The following CABIN1 variants were observed in gnomAD, a reference collection of about 807,000 sequenced individuals.
The protein encoded by CABIN1 is calcineurin binding protein 1.
CABIN1 carries 133 observed loss-of-function variants against 227.7 expected under a neutral mutation model. That is an observed-to-expected ratio of 0.58 (90% CI 0.51 to 0.67). CABIN1 has a LOEUF of 0.67. CABIN1 is among the 30% of genes least tolerant of loss of function. The probability of loss-of-function intolerance (pLI) is 0.00; values close to 1 mark genes in which losing one functional copy is unlikely to be tolerated. For missense variants in CABIN1, 2,408 were observed against 2,852.5 expected (o/e 0.84, Z 3.55); for synonymous variants, 1,086 against 1,155.1 (o/e 0.94, Z 1.21).
chr22:24,156,253 G>A (rs1274289474), intron 29 of CABIN1, among the ~76,000 whole-genome samples: 1 of 152,100 alleles, frequency 6.6e-6, no homozygotes, highest in African/African-American at 2.4e-5. Flanking sequence ...ACCAGGCGCA[G>A]CAGGAAGCCC....
chr22:24,129,094 A>AG (rs532573118), intron 28 of CABIN1, among the ~76,000 whole-genome samples: 2 of 152,184 alleles, frequency 1.3e-5, no homozygotes, highest in Non-Finnish European at 2.9e-5. Context: ...GGTCTGCCTT[A>AG]CGGCTTTGCA....
Position 24,015,750 on chromosome 22 carries a change from G to A in CABIN1, c.-75+4383G>A, listed in dbSNP as rs185723515. Among the ~76,000 whole-genome samples the A allele has an allele frequency of 1.5e-4, 23 of 152,164 alleles. No individual in the cohort carries two copies. In the East Asian group the frequency reaches 4.3e-3, roughly 28 times the overall value. On this transcript the variant is annotated intron_variant, in intron 1 of 36. Coordinates refer to ENST00000263119, the MANE Select transcript of CABIN1 (RefSeq NM_012295.4). ...GTGGGCAGATCATTTGAGGTCTGGA[G>A]TTTGAGGCCAGCCTGACCAACATGG...
chr22:24,171,285 C>T (rs542257011), intron 33 of CABIN1, among the ~76,000 whole-genome samples: 1 of 152,324 alleles, frequency 6.6e-6, no homozygotes, highest in African/African-American at 2.4e-5. Flanking sequence ...AGGACTCTCC[C>T]ATGAGTGGCC....
At chr22:24,019,117 G>T (rs1208283135) in intron 1 of CABIN1, among the ~76,000 whole-genome samples, 27 of 97,944 alleles carry the variant, frequency 2.8e-4, no homozygotes, top group African/African-American at 1.1e-3. Context: ...TTCACTGAGT[G>T]TTGTTTTTTT....
Position 24,067,073 on chromosome 22 carries a change from T to C in CABIN1, c.2124T>C (p.Val708=). The C allele has an allele frequency of 1.9e-6, 3 of 1,614,200 alleles. No individual in the cohort carries two copies. The highest frequency in any genetic ancestry group is 2.5e-6 in the Non-Finnish European group (3 of 1,180,040). The change falls in exon 16 of 37, where the codon GTT becomes GTC. Residue 708 remains valine (V), a synonymous_variant. Coordinates refer to ENST00000263119, the MANE Select transcript of CABIN1 (RefSeq NM_012295.4). ...ATGAAGCAGGCGACTACAAGGCTGT[T>C]GTGCATCTGCTCCGCCCCACTTTGT... ...RLYEAGDYKA[V]VHLLRPTLCT... is the part of the protein sequence containing the mutation.
chr22:24,080,897 C>T (rs932425007), intron 19 of CABIN1, among the ~76,000 whole-genome samples: 2 of 152,054 alleles, frequency 1.3e-5, no homozygotes, highest in African/African-American at 2.4e-5. Context: ...CCTTCCTTTT[C>T]AATCCTTATA....
Position 24,178,375 on chromosome 22 carries a change from AC to A in CABIN1, c.*181del. On this transcript the variant is annotated 3_prime_UTR_variant, in exon 37 of 37. Coordinates refer to ENST00000263119, the MANE Select transcript of CABIN1 (RefSeq NM_012295.4). ...CCTGTACCCAGGTCAGGCTGTCCAC[AC>A]CACATGGGAGCCCAGAGGAGGAGGG... The A allele has an allele frequency of 1.4e-6, 1 of 726,630 alleles. No homozygotes were observed. The allele number at this position is 726,630 out of a possible 1,614,324, so 45.0% of individuals were successfully genotyped here.
chr22:24,168,762 T>A (rs1049901933), intron 33 of CABIN1, among the ~76,000 whole-genome samples: 4 of 152,162 alleles, frequency 2.6e-5, no homozygotes, highest in African/African-American at 4.8e-5. Context: ...CCACCTTTTC[T>A]GTAACAAGGA....
intron 26 of CABIN1, among the ~76,000 whole-genome samples, chr22:24,110,867 T>G (rs540604146): frequency 4.1e-5 from 1 of 24,522 alleles, no homozygotes; most frequent in South Asian, 2.4e-3. Context: ...CACCTAGGTG[T>G]GATTTTTTTT....
At position 24,168,558 on chromosome 22, in the gene CABIN1, G is replaced by A. The variant is rs375512881; in HGVS notation, c.5757+37G>A. The A allele has an allele frequency of 1.6e-4, 242 of 1,482,832 alleles. 1 individual carries two copies. In the Middle Eastern group the frequency reaches 2.2e-3, roughly 14 times the overall value. 91.9% of individuals were successfully genotyped at this position (1,482,832 alleles called of 1,614,324 possible). A position where few individuals can be genotyped will look rare whatever the true frequency, so the allele number is the denominator to read the frequency against. On this transcript the variant is annotated intron_variant, in intron 33 of 36. Transcript: ENST00000263119. ...TTAGCCTGTGCCAGCCTCATCTTGC[G>A]GAGCCTGCTCCATATCAAGGCCCTA...
chr22:24,046,946 C>A (rs1226362447), intron 6 of CABIN1, among the ~76,000 whole-genome samples: 2 of 152,190 alleles, frequency 1.3e-5, no homozygotes, highest in African/African-American at 2.4e-5. Flanking sequence ...CAGAAAAATT[C>A]TCTTATGCGG....
Position 24,119,702 on chromosome 22 carries a change from A to C in CABIN1, c.4632+4A>C. 1 of 1,613,572 alleles carries C rather than the reference A, an allele frequency of 6.2e-7. No homozygotes were observed. The highest frequency in any genetic ancestry group is 8.5e-7 in the Non-Finnish European group (1 of 1,179,774). On this transcript the variant is annotated splice_donor_region_variant and intron_variant, in intron 28 of 36. Transcript: ENST00000263119. Reference sequence around the variant, plus strand: ...CACCTACAGCAAGACCCACCGGGTGAGTGGCTGCCGGGCCAAGGGGGCTTG... The same window carrying C: ...CACCTACAGCAAGACCCACCGGGTGCGTGGCTGCCGGGCCAAGGGGGCTTG...
intron 23 of CABIN1, among the ~76,000 whole-genome samples, 158 bp from the exon 24 acceptor site, chr22:24,091,425 G>C (rs2041533899): frequency 6.6e-6 from 1 of 152,200 alleles, no homozygotes; most frequent in African/African-American, 2.4e-5. Context: ...CTACACTTCG[G>C]TGTCACCAGC....
intron 29 of CABIN1, among the ~76,000 whole-genome samples, chr22:24,159,528 C>T (rs2046030217): frequency 6.6e-6 from 1 of 152,188 alleles, no homozygotes; most frequent in Admixed American, 6.5e-5. Flanking sequence ...ACCTCATGGC[C>T]TGTTCCTTCC....
At chr22:24,125,615 G>A (rs1247544160) in intron 28 of CABIN1, among the ~76,000 whole-genome samples, 1 of 152,206 alleles carries the variant, frequency 6.6e-6, no homozygotes, top group Non-Finnish European at 1.5e-5. Flanking sequence ...AGTAGAACCA[G>A]GCATCAGGAG....
intron 1 of CABIN1, among the ~76,000 whole-genome samples, chr22:24,028,818 A>C (rs1300451090): frequency 2.6e-5 from 4 of 152,216 alleles, no homozygotes; most frequent in African/African-American, 9.6e-5. Context: ...CCTTCATGGG[A>C]TTTGGTACCA....
chr22:24,043,887 A>T (rs1161185259), intron 6 of CABIN1, among the ~76,000 whole-genome samples: 1 of 152,256 alleles, frequency 6.6e-6, no homozygotes, highest in Non-Finnish European at 1.5e-5. Context: ...CTTCCAAAAT[A>T]TAATGGTGGG....
In CABIN1 at chr22:24,175,721, C is replaced by T. The variant is rs1277582767; in HGVS notation, c.6041-390C>T. 1.2e-5 allele frequency: 4 copies of T among 334,048 alleles called. No individual in the cohort carries two copies. The East Asian group carries it at 2.2e-4, about 18-fold the overall frequency. 20.7% of individuals were successfully genotyped at this position (334,048 alleles called of 1,614,324 possible). On this transcript the variant is annotated intron_variant, in intron 34 of 36. Transcript: ENST00000263119. ...TAGTTGGGTTGTTTGGATTTTGGTC[C>T]TGACCTCGTTTCTGAATGCTGCTTA...
chr22:24,043,972 T>C (rs1398324440), intron 6 of CABIN1, among the ~76,000 whole-genome samples: 1 of 152,132 alleles, frequency 6.6e-6, no homozygotes, highest in Non-Finnish European at 1.5e-5. Context: ...GTCCCAAAAC[T>C]TAGCAAACTT....
Sources: gnomAD v4.1 joint callset for allele counts (sites outside exome capture counted in the v4.1 genomes callset) on GRCh38, gnomAD v4.1.1 for gene constraint, MANE v1.5 for transcripts, NCBI Gene and HGNC (gene_info 2026-07-23, HGNC 2026-07-21) for gene names.